ACRBP: variants seen among roughly 807,000 people sequenced by gnomAD.
The protein encoded by ACRBP is acrosin-binding protein.
ACRBP carries 52 observed loss-of-function variants against 69.0 expected under a neutral mutation model. The observed-to-expected ratio is 0.75, with a 90% CI of 0.60 to 0.95. The LOEUF is 0.95. ACRBP is among the 40% of genes least tolerant of loss of function. The pLI is 0.00. For missense variants in ACRBP, 604 were observed against 673.0 expected (o/e 0.90, Z 1.13); for synonymous variants, 267 against 258.9 (o/e 1.03, Z -0.30).
chr12:6,640,021 G>T lies in ACRBP; in HGVS notation c.1425+39C>A. Reference sequence around the variant, plus strand: ...CAAGTAACTGGAAGGAATGGGGTGAGGGTAGGGATGGGGCTGAGCTTTGGG... The same window carrying T: ...CAAGTAACTGGAAGGAATGGGGTGATGGTAGGGATGGGGCTGAGCTTTGGG... On this transcript the variant is annotated intron_variant, in intron 8 of 9. Coordinates refer to ENST00000229243, the MANE Select transcript of ACRBP (RefSeq NM_032489.3). This position sits in a 1 kb window ranked among gnomAD's most constrained non-coding sequence, Gnocchi z 5.3. 1 of 1,609,680 alleles carries T rather than the reference G, an allele frequency of 6.2e-7. No individual in the cohort carries two copies. Among genetic ancestry groups the T allele is most frequent in the Non-Finnish European group, 8.5e-7 (1 of 1,177,210 alleles).
At chr12:6,645,145 A>C in intron 4 of ACRBP, 75 bp downstream of exon 4, 7 of 1,181,104 alleles carry the variant, frequency 5.9e-6, no homozygotes, top group Non-Finnish European at 8.6e-6. Context: ...TTTCCCTGCC[A>C]TGGATGCCTT....
chr12:6,640,461 A>T lies in ACRBP; in HGVS notation c.1139T>A (p.Leu380Ter). 1 of 1,614,090 alleles carries T rather than the reference A, an allele frequency of 6.2e-7. No individual in the cohort carries two copies. The highest frequency in any genetic ancestry group is 8.5e-7 in the Non-Finnish European group (1 of 1,180,000). Residue 380 changes from leucine to a stop codon, truncating the protein, a stop_gained, in exon 7 of 10, where the codon TTG (leucine) becomes TAG (stop). Coordinates refer to ENST00000229243, the MANE Select transcript of ACRBP (RefSeq NM_032489.3). LOFTEE classifies it high-confidence loss of function. The surrounding 1 kb of genome is among the most constrained non-coding windows in gnomAD (Gnocchi z 5.3). ...STCALCDFCS[L>*]KLEQCHSEAS... ...CTCTGAGTGGCACTGCTCCAGCTTCAAGGAGCAGAAGTCACAGAGGGCACA... is the reference window on the plus strand; with the variant it reads ...CTCTGAGTGGCACTGCTCCAGCTTCTAGGAGCAGAAGTCACAGAGGGCACA...
intron 3 of ACRBP, 129 bp downstream of exon 3, chr12:6,646,354 A>G: frequency 1.3e-6 from 1 of 794,646 alleles, no homozygotes; most frequent in South Asian, 1.5e-5. Flanking sequence ...ATCTGGGTAA[A>G]TGACTGGCAA....
intron 8 of ACRBP, 49 bp from the exon 9 acceptor site, chr12:6,639,086 G>A (rs1662912236): frequency 6.5e-7 from 1 of 1,532,306 alleles, no homozygotes; most frequent in Non-Finnish European, 9.0e-7. Flanking sequence ...AGCCTCACCA[G>A]GCAGCAGCAC....
chr12:6,638,731 A>G, intron 9 of ACRBP: 1 of 1,432,440 alleles, frequency 7.0e-7, no homozygotes, highest in Non-Finnish European at 9.1e-7. Flanking sequence ...TGGTGCTCTT[A>G]GGACCCTCCT....
At position 6,640,080 on chromosome 12, in the gene ACRBP, C is replaced by T. The variant is rs773709218; in HGVS notation, c.1405G>A (p.Asp469Asn). Residue 469 changes from aspartate (D) to asparagine (N), a missense_variant, in exon 8 of 10, where the codon GAT (aspartate) becomes AAT (asparagine). Around this residue, in one of 3 missense-constraint regions of ACRBP, gnomAD observed 21 missense variants for 50.0 expected, o/e 0.42. Transcript: ENST00000229243. The surrounding 1 kb of genome is among the most constrained non-coding windows in gnomAD (Gnocchi z 5.3). ...CTAACCTTGGTAGGGAAATCCCCAT[C>T]CTGGAAGCTAAGGAACTCAGTCTGG... Reference protein sequence around the residue: ...WLQTEFLSFQDGDFPTKICDT... With the variant: ...WLQTEFLSFQNGDFPTKICDT... 1.7e-5 allele frequency: 28 copies of T among 1,614,044 alleles called. No individual in the cohort carries two copies. The highest frequency in any genetic ancestry group is 1.1e-4 in the East Asian group (5 of 44,890).
chr12:6,638,879 G>A, intron 9 of ACRBP, 75 bp downstream of exon 9: 1 of 1,595,372 alleles, frequency 6.3e-7, no homozygotes, highest in Admixed American at 1.7e-5. Flanking sequence ...CGCAGAGGGG[G>A]CCTCAGAATA....
Position 6,644,576 on chromosome 12 carries a change from G to T in ACRBP, c.505C>A (p.Pro169Thr). The T allele has an allele frequency of 6.2e-7, 1 of 1,613,748 alleles. No homozygotes were observed. The highest frequency in any genetic ancestry group is 1.3e-5 in the African/African-American group (1 of 74,980). Residue 169 changes from proline to threonine, a missense_variant, in exon 5 of 10, where the codon CCT becomes ACT. By Grantham distance (38) the Pro-to-Thr change is conservative (BLOSUM62 -1). Around this residue, in one of 3 missense-constraint regions of ACRBP, gnomAD observed 532 missense variants for 562.9 expected, o/e 0.95. Transcript: ENST00000229243. ...TCCACGTTGTTGCTGAGCCTCTCAG[G>T]CCAGGGCTGGAAGGTCTGGCGTTCT... ...VTERQTFQPWPERLSNNVEEL... is the reference protein window; with the variant it reads ...VTERQTFQPWTERLSNNVEEL...
chr12:6,643,479 A>C, intron 6 of ACRBP, 60 bp downstream of exon 6: 3 of 1,601,608 alleles, frequency 1.9e-6, no homozygotes, highest in South Asian at 1.1e-5. Flanking sequence ...AGCCTAGCAC[A>C]GTGCCTGGCC....
Position 6,640,274 on chromosome 12 carries a change from C to T in ACRBP, c.1258-47G>A, listed in dbSNP as rs373845141. 26 of 1,612,360 alleles carry T rather than the reference C, an allele frequency of 1.6e-5. No individual in the cohort carries two copies. The East Asian group carries it at 3.3e-4, about 21-fold the overall frequency. ...AGAGGTGCGTGCCCCTCCCCACCTG[C>T]TGGCCACCACCACCCCACCCCTGCC... On this transcript the variant is annotated intron_variant, in intron 7 of 9. Coordinates refer to ENST00000229243, the MANE Select transcript of ACRBP (RefSeq NM_032489.3). The surrounding 1 kb of genome is among the most constrained non-coding windows in gnomAD (Gnocchi z 5.3).
Position 6,644,563 on chromosome 12 carries a change from C to T in ACRBP, c.518G>A (p.Ser173Asn). The change falls in exon 5 of 10, where the codon AGC becomes AAC. Residue 173 changes from serine (S) to asparagine (N), a missense_variant. Ser to Asn is a conservative substitution (Grantham distance 46). Around this residue, in one of 3 missense-constraint regions of ACRBP, gnomAD observed 532 missense variants for 562.9 expected, o/e 0.95. Transcript: ENST00000229243. ...QTFQPWPERL[S>N]NNVEELLQSS... The stretch of plus-strand genomic sequence containing the variant: ...TTGTAGGAGCTCTTCCACGTTGTTG[C>T]TGAGCCTCTCAGGCCAGGGCTGGAA... 6.2e-7 allele frequency: 1 copy of T among 1,613,988 alleles called. No homozygotes were observed. Among genetic ancestry groups the T allele is most frequent in the Non-Finnish European group, 8.5e-7 (1 of 1,179,950 alleles).
Position 6,638,410 on chromosome 12 carries a change from C to T in ACRBP, c.1510-6G>A. On this transcript the variant is annotated splice_polypyrimidine_tract_variant and splice_region_variant and intron_variant, in intron 9 of 9. Coordinates refer to ENST00000229243, the MANE Select transcript of ACRBP (RefSeq NM_032489.3). ...AGACATCTCATGCGGGACACCTACA[C>T]AGAGATTCAGTGCAGACGGTCTGTA... 5.6e-6 allele frequency: 9 copies of T among 1,613,972 alleles called. No individual in the cohort carries two copies. The highest frequency in any genetic ancestry group is 7.6e-6 in the Non-Finnish European group (9 of 1,180,008).
intron 4 of ACRBP, among the ~76,000 whole-genome samples, 196 bp downstream of exon 4, chr12:6,645,024 C>T (rs920657598): frequency 6.6e-6 from 1 of 152,182 alleles, no homozygotes; most frequent in Non-Finnish European, 1.5e-5. Context: ...TAAGTAATGG[C>T]AGAAGAGATT....
chr12:6,640,150 C>G lies in ACRBP; in HGVS notation c.1335G>C (p.Arg445=). The change falls in exon 8 of 10, where the codon CGG becomes CGC. Residue 445 remains arginine, a synonymous_variant. Coordinates refer to ENST00000229243, the MANE Select transcript of ACRBP (RefSeq NM_032489.3). This position sits in a 1 kb window ranked among gnomAD's most constrained non-coding sequence, Gnocchi z 5.3. ...GGLHMDFWCA[R]LATKGCEDVR... is the part of the protein sequence containing the mutation. Reference sequence around the variant, plus strand: ...CATCTTCACAGCCTTTCGTGGCAAGCCGGGCACACCAGAAGTCCATGTGGA... The same window carrying G: ...CATCTTCACAGCCTTTCGTGGCAAGGCGGGCACACCAGAAGTCCATGTGGA... 2 of 1,614,202 alleles carry G rather than the reference C, an allele frequency of 1.2e-6. No homozygotes were observed. The highest frequency in any genetic ancestry group is 1.1e-5 in the South Asian group (1 of 91,082).
At chr12:6,647,178 G>T in intron 1 of ACRBP, 146 bp downstream of exon 1, 3 of 1,129,960 alleles carry the variant, frequency 2.7e-6, no homozygotes, top group Non-Finnish European at 3.8e-6. Flanking sequence ...CCGCGGGCGG[G>T]GGGAGATGGG....
rs1426892168 is a variant in ACRBP, at chr12:6,643,601, T to C, written c.1015A>G (p.Ile339Val). The change falls in exon 6 of 10, where the codon ATA becomes GTA. Residue 339 changes from isoleucine (I) to valine (V), a missense_variant. Around this residue, in one of 3 missense-constraint regions of ACRBP, gnomAD observed 532 missense variants for 562.9 expected, o/e 0.95. Coordinates refer to ENST00000229243, the MANE Select transcript of ACRBP (RefSeq NM_032489.3). Reference protein sequence around the residue: ...CYSIVENTCIITPTAKAWKYM... With the variant: ...CYSIVENTCIVTPTAKAWKYM... ...TTCCAGGCCTTGGCTGTGGGGGTTA[T>C]GATGCAGGTATTCTCCACGATCGAA... The C allele has an allele frequency of 1.2e-6, 2 of 1,614,254 alleles. No homozygotes were observed. The highest frequency in any genetic ancestry group is 1.7e-6 in the Non-Finnish European group (2 of 1,180,042).
At position 6,646,861 on chromosome 12, in the gene ACRBP, G is replaced by C; in HGVS notation, c.195C>G (p.Thr65=). Residue 65 remains threonine, a synonymous_variant, in exon 2 of 10, where the codon ACC becomes ACG. Coordinates refer to ENST00000229243, the MANE Select transcript of ACRBP (RefSeq NM_032489.3). The stretch of plus-strand genomic sequence containing the variant: ...CGAGTGTGGGATTCCGGCAGCCGTG[G>C]GTTGCACGGAGACGGCAGGTAGTCT... ...KAETTCRLRA[T]HGCRNPTLVQ... 1 of 1,614,168 alleles carries C rather than the reference G, an allele frequency of 6.2e-7. No homozygotes were observed. Among genetic ancestry groups the C allele is most frequent in the Non-Finnish European group, 8.5e-7 (1 of 1,180,038 alleles).
chr12:6,646,562 T>G lies in ACRBP; in HGVS notation c.278A>C (p.Asn93Thr). Residue 93 changes from asparagine to threonine, a missense_variant, in exon 3 of 10, where the codon AAC becomes ACC. Transcript: ENST00000229243. ...CTCAAACCAGGAGGCATAAGGGAGG[T>G]TGGAGCAGACAGCACCTGAGAAAGG... ...GLVPDGAVCS[N>T]LPYASWFESF... is the part of the protein sequence containing the mutation. 2.5e-6 allele frequency: 4 copies of G among 1,613,658 alleles called. No homozygotes were observed. The highest frequency in any genetic ancestry group is 3.4e-6 in the Non-Finnish European group (4 of 1,179,896).
intron 1 of ACRBP, 97 bp downstream of exon 1, chr12:6,647,227 C>T (rs1041773360): frequency 7.1e-7 from 1 of 1,415,068 alleles, no homozygotes. Flanking sequence ...AGCGCGACCA[C>T]CATGAGGAAG....
Sources: allele counts gnomAD v4.1 joint callset (sites outside exome capture counted in the v4.1 genomes callset), GRCh38; gene constraint gnomAD v4.1.1; regional missense constraint gnomAD v4.1.1; non-coding constraint Gnocchi (gnomAD v3.1); transcripts MANE v1.5; gene names NCBI Gene and HGNC (gene_info 2026-07-23, HGNC 2026-07-21).